The following SLTM variants were observed in gnomAD, a reference collection of about 807,000 sequenced individuals.
The protein encoded by SLTM is SAFB like transcription modulator.
SLTM carries 43 observed loss-of-function variants against 134.6 expected under a neutral mutation model. The observed-to-expected ratio is 0.32, with a 90% CI of 0.25 to 0.41. SLTM has a LOEUF of 0.41. SLTM is among the 10% of genes least tolerant of loss of function. The pLI, the probability that SLTM is intolerant of heterozygous loss-of-function variation, is 1.00. For synonymous variants in SLTM, 424 were observed against 432.3 expected (o/e 0.98, Z 0.24); for missense variants, 1,055 against 1,288.8 (o/e 0.82, Z 2.78).
chr15:58,927,997 A>C (rs1460624209), intron 2 of SLTM, among the ~76,000 whole-genome samples: 2 of 152,206 alleles, frequency 1.3e-5, no homozygotes, highest in African/African-American at 4.8e-5. Context: ...TTTCCACAAA[A>C]AATTATACAT....
chr15:58,926,511 T>C (rs774028094), intron 2 of SLTM, among the ~76,000 whole-genome samples: 1 of 152,174 alleles, frequency 6.6e-6, no homozygotes, highest in African/African-American at 2.4e-5. Context: ...ATGTACTTAA[T>C]TATAAACATG....
intron 3 of SLTM, among the ~76,000 whole-genome samples, chr15:58,916,276 C>T (rs187251927): frequency 6.6e-6 from 1 of 151,398 alleles, no homozygotes; most frequent in African/African-American, 2.4e-5. Context: ...CGAGTTCAAG[C>T]GATTCTCCTG....
intron 20 of SLTM, among the ~76,000 whole-genome samples, chr15:58,881,495 C>G (rs944809718): frequency 2.0e-5 from 3 of 151,334 alleles, no homozygotes; most frequent in Non-Finnish European, 4.4e-5. Context: ...CCACTGCACT[C>G]CAGCTTGGGG....
intron 5 of SLTM, among the ~76,000 whole-genome samples, chr15:58,910,348 C>T (rs147811374): frequency 2.4e-4 from 37 of 152,140 alleles, no homozygotes; most frequent in African/African-American, 8.9e-4. Context: ...CATAATGGAA[C>T]CTAGATACAT....
At chr15:58,915,281 T>C (rs2036553502) in intron 3 of SLTM, among the ~76,000 whole-genome samples, 1 of 152,188 alleles carries the variant, frequency 6.6e-6, no homozygotes, top group Admixed American at 6.5e-5. Context: ...TATTTAATCA[T>C]AACACAAAAG....
Position 58,917,118 on chromosome 15 carries a change from T to C in SLTM, c.251-119A>G, listed in dbSNP as rs1460131525. 6 of 898,690 alleles carry C rather than the reference T, an allele frequency of 6.7e-6. No homozygotes were observed. In the East Asian group the frequency reaches 1.3e-4, roughly 20 times the overall value. 55.7% of individuals were successfully genotyped at this position (898,690 alleles called of 1,614,324 possible). A position where few individuals can be genotyped will look rare whatever the true frequency, so the allele number is the denominator to read the frequency against. ...CCCAAACTATCTGACAAAGCTAATGTCAACTGCTTCTAAACCACCTGCTCA... is the reference window on the plus strand; with the variant it reads ...CCCAAACTATCTGACAAAGCTAATGCCAACTGCTTCTAAACCACCTGCTCA... On this transcript the variant is annotated intron_variant, in intron 2 of 20. Coordinates refer to ENST00000380516, the MANE Select transcript of SLTM (RefSeq NM_024755.4).
chr15:58,927,148 A>G lies in SLTM; in HGVS notation c.250+5208T>C, dbSNP rs146895008. On this transcript the variant is annotated intron_variant, in intron 2 of 20. Coordinates refer to ENST00000380516, the MANE Select transcript of SLTM (RefSeq NM_024755.4). ...GCTCTTGAGAGAGGCACCTTTAAAA[A>G]AAAGATAAAAACTATTAATCCCTGA... Among the ~76,000 whole-genome samples, 406 of 152,352 alleles carry G rather than the reference A, an allele frequency of 2.7e-3. 1 individual carries two copies. Among genetic ancestry groups the G allele is most frequent in the African/African-American group, 9.3e-3 (387 of 41,576 alleles).
chr15:58,896,393 C>G (rs1277396022), intron 9 of SLTM, among the ~76,000 whole-genome samples: 2 of 152,014 alleles, frequency 1.3e-5, no homozygotes, highest in Non-Finnish European at 2.9e-5. Flanking sequence ...AAACTCATCT[C>G]TACTAAAAAT....
intron 20 of SLTM, among the ~76,000 whole-genome samples, chr15:58,881,006 G>A (rs2033653065): frequency 6.6e-6 from 1 of 151,746 alleles, no homozygotes; most frequent in African/African-American, 2.4e-5. Context: ...CAAAAAAGCA[G>A]ACCCCCTCCC....
intron 16 of SLTM, 154 bp downstream of exon 16, chr15:58,889,276 C>T: frequency 1.2e-6 from 1 of 848,950 alleles, no homozygotes. Flanking sequence ...CTTGCTAGTG[C>T]ACTGGGTCTA....
At position 58,893,951 on chromosome 15, in the gene SLTM, C is replaced by T. The variant is rs751472683; in HGVS notation, c.1518G>A (p.Ser506=). ...TTTCTTTTTTTTCAGATTTCTCAGA[C>T]GATCTTTTCTCTTCTTTTTTGACAG... is the stretch of plus-strand genomic sequence containing the variant. The part of the protein sequence containing the change: ...QASVKKEEKR[S]SEKSEKKESK... The change falls in exon 12 of 21, where the codon TCG becomes TCA. Residue 506 remains serine, a synonymous_variant. Coordinates refer to ENST00000380516, the MANE Select transcript of SLTM (RefSeq NM_024755.4). The T allele has an allele frequency of 9.9e-6, 16 of 1,611,526 alleles. No homozygotes were observed. Among genetic ancestry groups the T allele is most frequent in the Admixed American group, 1.7e-5 (1 of 59,530 alleles).
chr15:58,933,444 A>G lies in SLTM; in HGVS notation c.122T>C (p.Ile41Thr). Residue 41 changes from isoleucine to threonine, a missense_variant, in exon 1 of 21, where the codon ATC becomes ACC. By Grantham distance (89) the Ile-to-Thr change is moderately conservative. Around this residue, in one of 3 missense-constraint regions of SLTM, gnomAD observed 268 missense variants for 284.3 expected, o/e 0.94. Transcript: ENST00000380516. ...KSELKRRNLD[I>T]TGVKTVLISR... ...GATGAGCACGGTCTTGACTCCGGTG[A>G]TGTCTAAGTTCCGCCGCTTCAGCTC... 1 of 1,593,520 alleles carries G rather than the reference A, an allele frequency of 6.3e-7. No homozygotes were observed. Among genetic ancestry groups the G allele is most frequent in the Non-Finnish European group, 8.5e-7 (1 of 1,170,792 alleles).
chr15:58,897,221 C>A lies in SLTM; in HGVS notation c.1121G>T (p.Ser374Ile). The stretch of plus-strand genomic sequence containing the variant: ...TGAGCTTCCACTGCTACCACTAGTA[C>A]TACTTGTACTTCCTAGAATAGATTT... ...SSKDDKGSTS[S>I]TSGSSGSSTK... is the part of the protein sequence containing the mutation. The change falls in exon 9 of 21, where the codon AGT (serine) becomes ATT (isoleucine). Residue 374 changes from serine to isoleucine, a missense_variant. By Grantham distance (142) the Ser-to-Ile change is moderately radical. Transcript: ENST00000380516. 2 of 1,583,598 alleles carry A rather than the reference C, an allele frequency of 1.3e-6. No individual in the cohort carries two copies. Among genetic ancestry groups the A allele is most frequent in the Non-Finnish European group, 1.7e-6 (2 of 1,152,798 alleles).
chr15:58,900,794 TA>T (rs768211592), intron 6 of SLTM: 6 of 166,652 alleles, frequency 3.6e-5, no homozygotes, highest in Non-Finnish European at 7.7e-5. Context: ...TCGTCTAAAC[TA>T]AAATTGTCAG....
intron 6 of SLTM, chr15:58,900,271 G>A (rs1293593706): frequency 4.5e-6 from 1 of 220,156 alleles, no homozygotes; most frequent in Non-Finnish European, 9.0e-6. Flanking sequence ...TGACAAAAGT[G>A]CAGATTGTTG....
At chr15:58,927,937 G>A (rs1203935536) in intron 2 of SLTM, among the ~76,000 whole-genome samples, 1 of 152,150 alleles carries the variant, frequency 6.6e-6, no homozygotes, top group Admixed American at 6.6e-5. Flanking sequence ...GTTTTAGAAA[G>A]CTTTACAGAG....
At chr15:58,929,189 C>G (rs1377178548) in intron 2 of SLTM, among the ~76,000 whole-genome samples, 1 of 152,090 alleles carries the variant, frequency 6.6e-6, no homozygotes, top group Non-Finnish European at 1.5e-5. Flanking sequence ...GATTATCAGC[C>G]AGGTGCGGTG....
Position 58,893,901 on chromosome 15 carries a change from C to A in SLTM, c.1568G>T (p.Gly523Val). 1 of 1,613,102 alleles carries A rather than the reference C, an allele frequency of 6.2e-7. No individual in the cohort carries two copies. Among genetic ancestry groups the A allele is most frequent in the Non-Finnish European group, 8.5e-7 (1 of 1,179,792 alleles). Reference sequence around the variant, plus strand: ...TCCATTATCATTCTTCTCATCTTTACCTTCTATTTTCTTAGTATCCTTGCT... The same window carrying A: ...TCCATTATCATTCTTCTCATCTTTAACTTCTATTTTCTTAGTATCCTTGCT... ...KESKDTKKIEGKDEKNDNGAS... is the reference protein window; with the variant it reads ...KESKDTKKIEVKDEKNDNGAS... Residue 523 changes from glycine to valine, a missense_variant, in exon 12 of 21, where the codon GGT becomes GTT. Gly to Val is a moderately radical substitution (Grantham distance 109). Around this residue, in one of 3 missense-constraint regions of SLTM, gnomAD observed 776 missense variants for 962.2 expected, o/e 0.81. Coordinates refer to ENST00000380516, the MANE Select transcript of SLTM (RefSeq NM_024755.4).
chr15:58,912,914 G>C (rs1378356058), intron 4 of SLTM: 3 of 261,906 alleles, frequency 1.1e-5, no homozygotes, highest in Admixed American at 9.2e-5. Context: ...TTCTTAAAAT[G>C]TACTAACATA....
Sources: allele counts gnomAD v4.1 joint callset (sites outside exome capture counted in the v4.1 genomes callset), GRCh38; gene constraint gnomAD v4.1.1; regional missense constraint gnomAD v4.1.1; transcripts MANE v1.5; gene names NCBI Gene and HGNC (gene_info 2026-07-23, HGNC 2026-07-21).